MACROD2: variants seen among roughly 807,000 people sequenced by gnomAD.
MACROD2 encodes the protein ADP-ribose glycohydrolase MACROD2.
MACROD2 carries 36 observed loss-of-function variants against 70.4 expected under a neutral mutation model. The observed-to-expected ratio is 0.51, with a 90% CI of 0.39 to 0.68. The LOEUF (loss-of-function observed/expected upper bound fraction) is 0.68. MACROD2 is among the 30% of genes least tolerant of loss of function. The probability of loss-of-function intolerance (pLI) is 0.00; values close to 1 mark genes in which losing one functional copy is unlikely to be tolerated. For synonymous variants in MACROD2, 172 were observed against 178.8 expected (o/e 0.96, Z 0.30); for missense variants, 496 against 538.4 (o/e 0.92, Z 0.78).
chr20:14,187,281 A>T (rs1347267833), intron 3 of MACROD2, among the ~76,000 whole-genome samples: 1 of 152,162 alleles, frequency 6.6e-6, no homozygotes, highest in Non-Finnish European at 1.5e-5. Flanking sequence ...CATTGGTGTA[A>T]ATGACATTGG....
chr20:15,874,635 T>C (rs2064641220), intron 9 of MACROD2, among the ~76,000 whole-genome samples: 1 of 152,190 alleles, frequency 6.6e-6, no homozygotes, highest in South Asian at 2.1e-4. Context: ...TATCTCATTG[T>C]GGTTTCAATT....
intron 8 of MACROD2, among the ~76,000 whole-genome samples, chr20:15,830,284 C>T (rs1016498301): frequency 6.6e-6 from 1 of 152,222 alleles, no homozygotes; most frequent in African/African-American, 2.4e-5. Context: ...TACAAAGTCA[C>T]AAGGTGGGGC....
intron 12 of MACROD2, among the ~76,000 whole-genome samples, chr20:15,943,486 C>G (rs1372875909): frequency 6.6e-6 from 1 of 152,098 alleles, no homozygotes; most frequent in Admixed American, 6.6e-5. Flanking sequence ...TCTGAATATG[C>G]TTGAGTATCT....
At chr20:14,276,005 A>C (rs75938601) in intron 3 of MACROD2, among the ~76,000 whole-genome samples, 94,397 of 151,218 alleles carry the variant, frequency 0.62, 31,043 homozygotes, top group Non-Finnish European at 0.74. Context: ...GTGGAGAAAT[A>C]GGAACACTTT....
At chr20:15,342,363 C>A (rs577632466) in intron 6 of MACROD2, among the ~76,000 whole-genome samples, 1 of 152,232 alleles carries the variant, frequency 6.6e-6, no homozygotes, top group South Asian at 2.1e-4. Context: ...GATCGGTCAA[C>A]TCCTGGAGTT....
In MACROD2 at chr20:15,260,024, A is replaced by G. The variant is rs1160350788; in HGVS notation, c.540+29963A>G. 3.3e-5 allele frequency among the ~76,000 whole-genome samples: 5 copies of G among 151,914 alleles called. No homozygotes were observed. The East Asian group carries it at 5.8e-4, about 18-fold the overall frequency. On this transcript the variant is annotated intron_variant, in intron 6 of 17. Transcript: ENST00000684519. Reference sequence around the variant, plus strand: ...AATTATGGATGCATAATAGTTGTACATATGTATGTGGTACATGTTATATTT... The same window carrying G: ...AATTATGGATGCATAATAGTTGTACGTATGTATGTGGTACATGTTATATTT...
Position 14,806,741 on chromosome 20 carries a change from C to T in MACROD2, c.418+121782C>T, listed in dbSNP as rs774863186. Among the ~76,000 whole-genome samples, 15 of 152,140 alleles carry T rather than the reference C, an allele frequency of 9.9e-5. No individual in the cohort carries two copies. In the East Asian group the frequency reaches 1.9e-3, roughly 20 times the overall value. On this transcript the variant is annotated intron_variant, in intron 5 of 17. Transcript: ENST00000684519. The stretch of plus-strand genomic sequence containing the variant: ...TAGTCTGAAGTTGACCTGGGATGCT[C>T]GAGCTTGGTGGGGGAGGGGCATCCA...
chr20:15,069,670 A>G (rs2075604023), intron 5 of MACROD2, among the ~76,000 whole-genome samples: 1 of 152,258 alleles, frequency 6.6e-6, no homozygotes, highest in Non-Finnish European at 1.5e-5. Context: ...TGGAGAGCAC[A>G]AGCCATAAGC....
chr20:14,191,453 T>C (rs1306663992), intron 3 of MACROD2, among the ~76,000 whole-genome samples: 3 of 152,188 alleles, frequency 2.0e-5, no homozygotes, highest in Non-Finnish European at 2.9e-5. Flanking sequence ...TCAATAAATA[T>C]TTAAGTAGTG....
intron 8 of MACROD2, among the ~76,000 whole-genome samples, chr20:15,776,161 T>C (rs966411438): frequency 4.6e-5 from 7 of 152,162 alleles, no homozygotes; most frequent in Admixed American, 6.5e-5. Context: ...AGGACACACA[T>C]GCCCAAGAAT....
chr20:15,581,951 G>A (rs1256209829), intron 8 of MACROD2, among the ~76,000 whole-genome samples: 8 of 152,058 alleles, frequency 5.3e-5, no homozygotes, highest in African/African-American at 1.4e-4. Flanking sequence ...GGGAAACCCC[G>A]TCTCTACTAA....
intron 5 of MACROD2, among the ~76,000 whole-genome samples, chr20:15,084,958 A>C (rs1482232477): frequency 6.6e-6 from 1 of 152,200 alleles, no homozygotes. Flanking sequence ...AGAATAGCTT[A>C]AAACAATCTT....
chr20:14,563,745 G>A (rs1389513899), intron 4 of MACROD2, among the ~76,000 whole-genome samples: 1 of 151,730 alleles, frequency 6.6e-6, no homozygotes, highest in Non-Finnish European at 1.5e-5. Flanking sequence ...CATTTGTAAA[G>A]CTATATAGTG....
chr20:14,181,786 G>C (rs1243255230), intron 3 of MACROD2, among the ~76,000 whole-genome samples: 1 of 152,070 alleles, frequency 6.6e-6, no homozygotes, highest in Non-Finnish European at 1.5e-5. Context: ...ATAATGCTTT[G>C]AAGAGTCATC....
At chr20:14,719,744 C>T (rs1356694123) in intron 5 of MACROD2, among the ~76,000 whole-genome samples, 1 of 152,124 alleles carries the variant, frequency 6.6e-6, no homozygotes, top group Non-Finnish European at 1.5e-5. Context: ...AGGTGTATTT[C>T]AGTTGGAAAT....
chr20:14,019,436 A>AT (rs903618675), intron 2 of MACROD2, among the ~76,000 whole-genome samples: 68 of 152,066 alleles, frequency 4.5e-4, no homozygotes, highest in African/African-American at 1.6e-3. Flanking sequence ...TGCCCGGCTA[A>AT]TTTTTTGTAT....
intron 2 of MACROD2, among the ~76,000 whole-genome samples, chr20:14,016,489 A>G (rs1054282250): frequency 1.3e-5 from 2 of 152,104 alleles, no homozygotes; most frequent in African/African-American, 2.4e-5. Context: ...GTTAAATCCA[A>G]TGTTTCATAA....
chr20:15,632,145 G>A (rs2049299977), intron 8 of MACROD2, among the ~76,000 whole-genome samples: 1 of 151,030 alleles, frequency 6.6e-6, no homozygotes, highest in Non-Finnish European at 1.5e-5. Context: ...GCTTGAGCGA[G>A]TTTGAGCGAA....
intron 8 of MACROD2, among the ~76,000 whole-genome samples, chr20:15,631,696 G>C (rs2049293425): frequency 1.3e-5 from 2 of 152,222 alleles, no homozygotes; most frequent in African/African-American, 4.8e-5. Flanking sequence ...AGCACCAAGA[G>C]TGGCTGGAAA....
Sources: allele counts gnomAD v4.1 joint callset (sites outside exome capture counted in the v4.1 genomes callset), GRCh38; gene constraint gnomAD v4.1.1; transcripts MANE v1.5; gene names NCBI Gene and HGNC (gene_info 2026-07-23, HGNC 2026-07-21).